The following CACNA2D2 variants were observed in gnomAD, a reference collection of about 807,000 sequenced individuals.
The protein encoded by CACNA2D2 is calcium voltage-gated channel auxiliary subunit alpha2delta 2.
A neutral mutation model predicts 166.4 loss-of-function variants in CACNA2D2; 48 were observed. The ratio of observed to expected loss-of-function variants is 0.29; its 90% confidence interval spans 0.23 to 0.37. The LOEUF is 0.37. CACNA2D2 is among the 10% of genes least tolerant of loss of function. The probability of loss-of-function intolerance (pLI) is 1.00; values close to 1 mark genes in which losing one functional copy is unlikely to be tolerated. For synonymous variants in CACNA2D2, 561 were observed against 573.7 expected, an observed-to-expected ratio of 0.98 and a Z score of 0.32; for missense variants, 1,122 against 1,433.0, an observed-to-expected ratio of 0.78 and a Z score of 3.50.
chr3:50,372,022 C>T (rs1704679494), intron 22 of CACNA2D2, among the ~76,000 whole-genome samples: 3 of 152,014 alleles, frequency 2.0e-5, no homozygotes, highest in African/African-American at 7.2e-5. Context: ...CTTGGGTGCC[C>T]CTGCTTCCAG....
chr3:50,386,885 C>T (rs1705637342), intron 5 of CACNA2D2, among the ~76,000 whole-genome samples: 1 of 152,210 alleles, frequency 6.6e-6, no homozygotes, highest in Admixed American at 6.5e-5. Context: ...ACACCGTCTA[C>T]TCCAAGTGCC....
At chr3:50,483,553 C>T (rs1048011655) in intron 1 of CACNA2D2, among the ~76,000 whole-genome samples, 7 of 152,154 alleles carry the variant, frequency 4.6e-5, no homozygotes, top group Non-Finnish European at 8.8e-5. Context: ...AGCCATCATC[C>T]GGCATTAATT....
intron 3 of CACNA2D2, among the ~76,000 whole-genome samples, chr3:50,403,700 C>T (rs904454164): frequency 1.3e-5 from 2 of 152,208 alleles, no homozygotes; most frequent in African/African-American, 4.8e-5. Flanking sequence ...CCAGGCTCTG[C>T]CAACCTCATC....
chr3:50,451,221 G>T (rs1383956583), intron 2 of CACNA2D2, among the ~76,000 whole-genome samples: 1 of 152,064 alleles, frequency 6.6e-6, no homozygotes, highest in East Asian at 1.9e-4. Flanking sequence ...TGCCCCCTGG[G>T]TTCAAGCGAT....
intron 1 of CACNA2D2, among the ~76,000 whole-genome samples, chr3:50,492,211 A>C (rs1233666541): frequency 6.6e-6 from 1 of 152,256 alleles, no homozygotes; most frequent in Non-Finnish European, 1.5e-5. Context: ...TGGCCCTCTA[A>C]GGCCAGGTCA....
chr3:50,397,661 C>G (rs902591258), intron 3 of CACNA2D2, among the ~76,000 whole-genome samples: 8 of 152,234 alleles, frequency 5.3e-5, no homozygotes, highest in African/African-American at 1.9e-4. Flanking sequence ...CTTCCTCCAA[C>G]CCTCAGCAGC....
chr3:50,455,128 A>G (rs1213224647), intron 2 of CACNA2D2, among the ~76,000 whole-genome samples: 1 of 152,182 alleles, frequency 6.6e-6, no homozygotes, highest in African/African-American at 2.4e-5. Flanking sequence ...AAAGGTCCAA[A>G]GTCCCTGGCC....
chr3:50,448,071 C>T (rs1340038128), intron 2 of CACNA2D2, among the ~76,000 whole-genome samples: 1 of 152,142 alleles, frequency 6.6e-6, no homozygotes, highest in Non-Finnish European at 1.5e-5. Flanking sequence ...CTATCACTTC[C>T]CCCTACCCTA....
At chr3:50,370,415 T>C in intron 22 of CACNA2D2, 35 bp from the exon 23 acceptor site, 4 of 237,048 alleles carry the variant, frequency 1.7e-5, no homozygotes, top group African/African-American at 6.9e-5. Flanking sequence ...CGGCGGGGGC[T>C]GGGGAGGCTG....
chr3:50,412,653 C>T (rs529160300), intron 3 of CACNA2D2, among the ~76,000 whole-genome samples: 2 of 152,286 alleles, frequency 1.3e-5, no homozygotes, highest in African/African-American at 2.4e-5. Context: ...AGGCTTGATG[C>T]AGCTGCTGCT....
At position 50,362,874 on chromosome 3, in the gene CACNA2D2, TCA is replaced by T. The variant is rs756077058; in HGVS notation, c.*1790_*1791del. The T allele has an allele frequency of 2.7e-6, 1 of 373,776 alleles. No homozygotes were observed. 23.2% of individuals were successfully genotyped at this position (373,776 alleles called of 1,614,324 possible). A position where few individuals can be genotyped will look rare whatever the true frequency, so the allele number is the denominator to read the frequency against. On this transcript the variant is annotated 3_prime_UTR_variant, in exon 38 of 38. Transcript: ENST00000424201. ...CCATTTGAAAATATTTTACAAGGAA[TCA>T]CACACACGATATTTTACAAAGTTTC... is the stretch of plus-strand genomic sequence containing the variant.
At position 50,363,372 on chromosome 3, in the gene CACNA2D2, C is replaced by T. The variant is rs1397513374; in HGVS notation, c.*1294G>A. Reference sequence around the variant, plus strand: ...CCATCTGAGCCCCATCACTATATCCCCTTGCCCTCAGTTCCCCACTGGCCC... The same window carrying T: ...CCATCTGAGCCCCATCACTATATCCTCTTGCCCTCAGTTCCCCACTGGCCC... On this transcript the variant is annotated 3_prime_UTR_variant, in exon 38 of 38. Coordinates refer to ENST00000424201, the MANE Select transcript of CACNA2D2 (RefSeq NM_006030.4). 1.0e-5 allele frequency: 4 copies of T among 397,980 alleles called. No individual in the cohort carries two copies. The highest frequency in any genetic ancestry group is 8.2e-5 in the African/African-American group (4 of 48,636). The allele number at this position is 397,980 out of a possible 1,614,324, so 24.7% of individuals were successfully genotyped here. A position where few individuals can be genotyped will look rare whatever the true frequency, so the allele number is the denominator to read the frequency against.
At chr3:50,496,233 G>A (rs143437727) in intron 1 of CACNA2D2, among the ~76,000 whole-genome samples, 108 of 152,296 alleles carry the variant, frequency 7.1e-4, no homozygotes, top group African/African-American at 2.3e-3. Context: ...GCACATGCCC[G>A]CATTTGACTT....
intron 2 of CACNA2D2, among the ~76,000 whole-genome samples, chr3:50,439,737 C>T (rs191126929): frequency 9.7e-4 from 148 of 152,306 alleles, no homozygotes; most frequent in Non-Finnish European, 1.6e-3. Context: ...AGTTGGAGGC[C>T]GGGGTCAGCT....
intron 3 of CACNA2D2, chr3:50,419,845 G>C (rs1366401566): frequency 6.6e-6 from 1 of 152,294 alleles, no homozygotes; most frequent in Non-Finnish European, 1.5e-5. Flanking sequence ...AGCAGGGTCA[G>C]GCCTGGTTAG....
At chr3:50,428,284 C>T (rs1407508231) in intron 3 of CACNA2D2, among the ~76,000 whole-genome samples, 1 of 152,172 alleles carries the variant, frequency 6.6e-6, no homozygotes, top group Non-Finnish European at 1.5e-5. Context: ...CTCAAGATGT[C>T]AGCAGTGCCG....
At chr3:50,442,901 G>A (rs1195452032) in intron 2 of CACNA2D2, among the ~76,000 whole-genome samples, 1 of 152,086 alleles carries the variant, frequency 6.6e-6, no homozygotes, top group Non-Finnish European at 1.5e-5. Flanking sequence ...CTGGAGAGCA[G>A]GGGAGACAAT....
intron 2 of CACNA2D2, among the ~76,000 whole-genome samples, chr3:50,449,358 C>A (rs1334825746): frequency 6.6e-6 from 1 of 152,190 alleles, no homozygotes; most frequent in African/African-American, 2.4e-5. Context: ...AGCTAATGGG[C>A]TGACAAATTA....
chr3:50,417,123 G>A (rs374073054), intron 3 of CACNA2D2, among the ~76,000 whole-genome samples: 54 of 152,290 alleles, frequency 3.5e-4, no homozygotes, highest in East Asian at 2.7e-3. Flanking sequence ...GACTGTTGGT[G>A]CAGCAGGAAC....
Sources: allele counts gnomAD v4.1 joint callset (sites outside exome capture counted in the v4.1 genomes callset), GRCh38; gene constraint gnomAD v4.1.1; transcripts MANE v1.5; gene names NCBI Gene and HGNC (gene_info 2026-07-23, HGNC 2026-07-21).